The following F2RL1 variants were observed in gnomAD, a reference collection of about 807,000 sequenced individuals.
F2RL1 encodes the protein proteinase-activated receptor 2.
Under a neutral mutation model 21.7 loss-of-function variants are expected in F2RL1, and 16 were observed. The observed-to-expected ratio is 0.74, with a 90% CI of 0.50 to 1.12. The LOEUF is 1.12. F2RL1 is among the 50% of genes most tolerant of loss of function. F2RL1 has a pLI of 0.00. For synonymous variants in F2RL1, 181 were observed against 186.7 expected (o/e 0.97, Z 0.25); for missense variants, 432 against 477.8 (o/e 0.90, Z 0.89).
At chr5:76,821,984 T>C (rs1561209141) in intron 1 of F2RL1, among the ~76,000 whole-genome samples, 1 of 152,190 alleles carries the variant, frequency 6.6e-6, no homozygotes, top group Non-Finnish European at 1.5e-5. Context: ...TGAACTTCAG[T>C]ACCAAAGTAG....
At position 76,832,824 on chromosome 5, in the gene F2RL1, C is replaced by G. The variant is rs34308580; in HGVS notation, c.217C>G (p.Leu73Val). The G allele has an allele frequency of 1.9e-5, 30 of 1,614,242 alleles. No homozygotes were observed. The East Asian group carries it at 5.6e-4, about 30-fold the overall frequency. Residue 73 changes from leucine (L) to valine (V), a missense_variant, in exon 2 of 2, where the codon CTG becomes GTG. Transcript: ENST00000296677. ...TTCTGCATCTGTCCTCACTGGAAAA[C>G]TGACCACTGTCTTCCTTCCAATTGT... ...EFSASVLTGK[L>V]TTVFLPIVYT...
intron 1 of F2RL1, among the ~76,000 whole-genome samples, chr5:76,831,541 T>C (rs1367532241): frequency 6.7e-6 from 1 of 148,944 alleles, no homozygotes; most frequent in Non-Finnish European, 1.5e-5. Context: ...ACTGATTTTT[T>C]TTTTTTTTTT....
At chr5:76,829,801 T>C (rs1750318472) in intron 1 of F2RL1, among the ~76,000 whole-genome samples, 1 of 152,200 alleles carries the variant, frequency 6.6e-6, no homozygotes, top group Non-Finnish European at 1.5e-5. Context: ...TTTTCCACCA[T>C]GGATATGTGT....
At chr5:76,824,167 C>G (rs933285563) in intron 1 of F2RL1, among the ~76,000 whole-genome samples, 2 of 145,598 alleles carry the variant, frequency 1.4e-5, no homozygotes, top group Non-Finnish European at 1.5e-5. Flanking sequence ...ACACCCCCCC[C>G]CCCTTTTTTT....
At chr5:76,819,797 T>C (rs1387908329) in intron 1 of F2RL1, among the ~76,000 whole-genome samples, 1 of 152,082 alleles carries the variant, frequency 6.6e-6, no homozygotes, top group Non-Finnish European at 1.5e-5. Context: ...AGGTTGTTTT[T>C]TGCGTCCCTC....
intron 1 of F2RL1, among the ~76,000 whole-genome samples, chr5:76,829,207 C>T (rs1236248523): frequency 6.6e-6 from 1 of 150,730 alleles, no homozygotes; most frequent in Non-Finnish European, 1.5e-5. Context: ...TTTAAATCTT[C>T]TACTCTATAA....
chr5:76,821,596 T>TC (rs201566882), intron 1 of F2RL1, among the ~76,000 whole-genome samples: 2,442 of 150,522 alleles, frequency 0.016, 73 homozygotes, highest in African/African-American at 0.056. Flanking sequence ...GGTTTTTTTT[T>TC]TTTTTGACTC....
At chr5:76,824,548 C>CA (rs1339851716) in intron 1 of F2RL1, among the ~76,000 whole-genome samples, 1 of 151,912 alleles carries the variant, frequency 6.6e-6, no homozygotes, top group East Asian at 1.9e-4. Context: ...ACGCTGATCT[C>CA]AAACTCCCGA....
In F2RL1 at chr5:76,819,256, C is replaced by T; in HGVS notation, c.74C>T (p.Thr25Ile). Reference sequence around the variant, plus strand: ...GCAGCCTCTCTCTCCTGCAGTGGCACCATCCAAGGTGAGAAACCTGGCCAA... The same window carrying T: ...GCAGCCTCTCTCTCCTGCAGTGGCATCATCCAAGGTGAGAAACCTGGCCAA... The part of the protein sequence containing the change: ...LLAASLSCSG[T>I]IQGTSRSSKG... The change falls in exon 1 of 2, where the codon ACC becomes ATC. Residue 25 changes from threonine (T) to isoleucine (I), a missense_variant. By Grantham distance (89) the Thr-to-Ile change is moderately conservative (BLOSUM62 -1). Transcript: ENST00000296677. The T allele has an allele frequency of 6.3e-7, 1 of 1,591,072 alleles. No individual in the cohort carries two copies. Among genetic ancestry groups the T allele is most frequent in the Non-Finnish European group, 8.5e-7 (1 of 1,177,352 alleles).
At chr5:76,826,548 C>G (rs1306450896) in intron 1 of F2RL1, among the ~76,000 whole-genome samples, 2 of 150,678 alleles carry the variant, frequency 1.3e-5, no homozygotes, top group Non-Finnish European at 2.9e-5. Context: ...GAGTCTTGCT[C>G]TGTCACCCAG....
intron 1 of F2RL1, among the ~76,000 whole-genome samples, chr5:76,820,908 G>A (rs1301672553): frequency 6.6e-6 from 1 of 152,196 alleles, no homozygotes; most frequent in Admixed American, 6.5e-5. Context: ...GGTTAGTGAA[G>A]TAACACTGAC....
intron 1 of F2RL1, among the ~76,000 whole-genome samples, chr5:76,824,170 C>CCT (rs1554033483): frequency 8.6e-4 from 78 of 90,636 alleles, no homozygotes; most frequent in South Asian, 2.6e-3. Context: ...CCCCCCCCCC[C>CCT]TTTTTTTTTT....
At chr5:76,829,558 A>G (rs1750311616) in intron 1 of F2RL1, among the ~76,000 whole-genome samples, 1 of 152,210 alleles carries the variant, frequency 6.6e-6, no homozygotes, top group Non-Finnish European at 1.5e-5. Context: ...AATTTCCACA[A>G]TAACTGCACC....
At chr5:76,825,397 C>T (rs1054505109) in intron 1 of F2RL1, among the ~76,000 whole-genome samples, 1 of 152,136 alleles carries the variant, frequency 6.6e-6, no homozygotes, top group African/African-American at 2.4e-5. Context: ...GTAGGGACTA[C>T]GTCAGGGACA....
In F2RL1 at chr5:76,833,698, T is replaced by A. The variant is rs1561213189; in HGVS notation, c.1091T>A (p.Val364Asp). Residue 364 changes from valine to aspartate, a missense_variant, in exon 2 of 2, where the codon GTC becomes GAC. Physicochemically the swap from Val to Asp is radical, Grantham distance 152. Transcript: ENST00000296677. Reference protein sequence around the residue: ...HAKNALLCRSVRTVKQMQVSL... With the variant: ...HAKNALLCRSDRTVKQMQVSL... ...AAGAACGCTCTCCTTTGCCGAAGTG[T>A]CCGCACTGTAAAGCAGATGCAAGTA... 3.7e-6 allele frequency: 6 copies of A among 1,613,990 alleles called. No individual in the cohort carries two copies. Among genetic ancestry groups the A allele is most frequent in the Non-Finnish European group, 4.2e-6 (5 of 1,180,010 alleles).
chr5:76,823,334 G>A (rs554201663), intron 1 of F2RL1, among the ~76,000 whole-genome samples: 1 of 149,950 alleles, frequency 6.7e-6, no homozygotes, highest in Non-Finnish European at 1.5e-5. Flanking sequence ...TCCAATCTCA[G>A]CACAACTTCT....
chr5:76,822,352 G>A (rs1159341562), intron 1 of F2RL1, among the ~76,000 whole-genome samples: 1 of 152,028 alleles, frequency 6.6e-6, no homozygotes, highest in Admixed American at 6.6e-5. Context: ...GGAGTAGCTG[G>A]GACTACAGGC....
intron 1 of F2RL1, among the ~76,000 whole-genome samples, chr5:76,831,394 C>G (rs1750345756): frequency 6.6e-6 from 1 of 152,014 alleles, no homozygotes; most frequent in Non-Finnish European, 1.5e-5. Context: ...ATTGAATAGG[C>G]CAGGAAGGAT....
At position 76,819,125 on chromosome 5, in the gene F2RL1, A is replaced by G; in HGVS notation, c.-58A>G. 7.1e-7 allele frequency: 1 copy of G among 1,409,256 alleles called. No individual in the cohort carries two copies. The highest frequency in any genetic ancestry group is 9.7e-7 in the Non-Finnish European group (1 of 1,030,934). 87.3% of individuals were successfully genotyped at this position (1,409,256 alleles called of 1,614,324 possible). ...TCTCGGTGCGTCCAGTGGAGCTCTG[A>G]GTTTCGAATCGGCGGCGGCGGATTC... On this transcript the variant is annotated 5_prime_UTR_variant, in exon 1 of 2. Coordinates refer to ENST00000296677, the MANE Select transcript of F2RL1 (RefSeq NM_005242.6).
Sources: allele counts gnomAD v4.1 joint callset (sites outside exome capture counted in the v4.1 genomes callset), GRCh38; gene constraint gnomAD v4.1.1; transcripts MANE v1.5; gene names NCBI Gene and HGNC (gene_info 2026-07-23, HGNC 2026-07-21).